The following TBC1D32 variants were observed in gnomAD, a reference collection of about 807,000 sequenced individuals.
The protein encoded by TBC1D32 is TBC1 domain family member 32.
In TBC1D32, 151 loss-of-function variants were observed where a neutral mutation model predicts 170.3. The observed-to-expected ratio is 0.89, with a 90% CI of 0.78 to 1.01. The LOEUF (loss-of-function observed/expected upper bound fraction) is 1.01. Among genes scored for constraint, TBC1D32 ranks in the 50% least tolerant of loss-of-function variants. TBC1D32 has a pLI of 0.00. For synonymous variants in TBC1D32, 498 were observed against 488.0 expected (o/e 1.02, Z -0.27); for missense variants, 1,464 against 1,457.1 (o/e 1.00, Z -0.08).
At chr6:121,181,624 G>T (rs569690472) in intron 22 of TBC1D32, among the ~76,000 whole-genome samples, 1 of 151,870 alleles carries the variant, frequency 6.6e-6, no homozygotes, top group African/African-American at 2.4e-5. Flanking sequence ...CCCACTGCTG[G>T]GTATATATGC....
At chr6:121,099,489 G>C (rs977714711) in intron 30 of TBC1D32, among the ~76,000 whole-genome samples, 12 of 151,730 alleles carry the variant, frequency 7.9e-5, no homozygotes, top group Admixed American at 6.6e-4. Context: ...TTAGAGATCT[G>C]TGTATTTCAT....
chr6:121,190,668 C>T (rs137911989), intron 22 of TBC1D32, among the ~76,000 whole-genome samples: 2 of 152,076 alleles, frequency 1.3e-5, no homozygotes, highest in Non-Finnish European at 2.9e-5. Flanking sequence ...TACTTAAAAC[C>T]CAAACCAAAT....
chr6:121,225,220 T>G (rs1425006520), intron 20 of TBC1D32, among the ~76,000 whole-genome samples: 1 of 152,056 alleles, frequency 6.6e-6, no homozygotes, highest in Non-Finnish European at 1.5e-5. Flanking sequence ...GAAAGATGAT[T>G]AATAGAACAG....
rs745475655 is a variant in TBC1D32, at chr6:121,161,059, GA to G, written c.2571-4del. On this transcript the variant is annotated splice_region_variant and splice_polypyrimidine_tract_variant and intron_variant, in intron 22 of 31. Transcript: ENST00000398212. ...ATAAGCCATCAATTATAAAGTCCCTGAAAAAATAAATATATCACCTTTGTCA... is the reference window on the plus strand; with the variant it reads ...ATAAGCCATCAATTATAAAGTCCCTGAAAAATAAATATATCACCTTTGTCA... 1.8e-5 allele frequency: 29 copies of G among 1,596,126 alleles called. No homozygotes were observed. The highest frequency in any genetic ancestry group is 2.5e-5 in the Non-Finnish European group (29 of 1,167,568).
chr6:121,258,211 A>C (rs923074415), intron 15 of TBC1D32, among the ~76,000 whole-genome samples: 4 of 152,196 alleles, frequency 2.6e-5, no homozygotes, highest in African/African-American at 9.6e-5. Context: ...ATTTCAAAAC[A>C]GCAACAGCAA....
chr6:121,156,986 T>C (rs1205588850), intron 24 of TBC1D32, among the ~76,000 whole-genome samples: 1 of 152,072 alleles, frequency 6.6e-6, no homozygotes, highest in Non-Finnish European at 1.5e-5. Context: ...TATTCTATCA[T>C]TGTTAGGTGG....
intron 29 of TBC1D32, among the ~76,000 whole-genome samples, chr6:121,107,907 T>G (rs548927132): frequency 6.6e-6 from 1 of 152,020 alleles, no homozygotes; most frequent in African/African-American, 2.4e-5. Context: ...AATAAGTTAT[T>G]GTTATGTAAT....
chr6:121,334,381 C>T lies in TBC1D32; in HGVS notation c.50G>A (p.Arg17Lys). 6.2e-7 allele frequency: 1 copy of T among 1,614,228 alleles called. No homozygotes were observed. The highest frequency in any genetic ancestry group is 8.5e-7 in the Non-Finnish European group (1 of 1,180,030). ...EDQAMLQAML[R>K]RLFQSVKEKI... ...CTCCTTCACGCTCTGGAACAACCGC[C>T]TCAGCATCGCCTGCAGCATCGCCTG... is the stretch of plus-strand genomic sequence containing the variant. The change falls in exon 1 of 32, where the codon AGG becomes AAG. Residue 17 changes from arginine (R) to lysine (K), a missense_variant. By Grantham distance (26) the Arg-to-Lys change is conservative (BLOSUM62 2). Transcript: ENST00000398212.
At chr6:121,265,129 T>A (rs1451589697) in intron 15 of TBC1D32, among the ~76,000 whole-genome samples, 1 of 152,202 alleles carries the variant, frequency 6.6e-6, no homozygotes, top group Non-Finnish European at 1.5e-5. Context: ...AAATTGTCTC[T>A]GTTTGCAGAT....
At chr6:121,091,182 G>T in intron 30 of TBC1D32, 141 bp from the exon 31 acceptor site, 2 of 706,930 alleles carry the variant, frequency 2.8e-6, no homozygotes, top group African/African-American at 1.8e-5. Context: ...CTTCATAGAT[G>T]CCTAAAAAGG....
chr6:121,150,386 T>A (rs1411468419), intron 24 of TBC1D32, among the ~76,000 whole-genome samples: 1 of 152,232 alleles, frequency 6.6e-6, no homozygotes, highest in Non-Finnish European at 1.5e-5. Context: ...GCTTTTAATA[T>A]GCTGCTGGGT....
intron 1 of TBC1D32, among the ~76,000 whole-genome samples, chr6:121,322,119 G>A (rs761809776): frequency 6.6e-6 from 1 of 152,116 alleles, no homozygotes; most frequent in African/African-American, 2.4e-5. Flanking sequence ...ATGAAAAGCA[G>A]TTGTTAAGGA....
intron 17 of TBC1D32, among the ~76,000 whole-genome samples, chr6:121,250,918 A>G (rs1465972400): frequency 6.6e-6 from 1 of 152,200 alleles, no homozygotes; most frequent in Non-Finnish European, 1.5e-5. Context: ...CAAAAATCAC[A>G]GGCATTCCTA....
intron 22 of TBC1D32, among the ~76,000 whole-genome samples, chr6:121,178,091 T>C (rs1583089693): frequency 6.6e-6 from 1 of 152,110 alleles, no homozygotes; most frequent in Admixed American, 6.5e-5. Context: ...GCAGGGGAAA[T>C]GCCAGACACT....
intron 1 of TBC1D32, among the ~76,000 whole-genome samples, chr6:121,330,127 G>C (rs895877582): frequency 5.3e-5 from 8 of 152,058 alleles, no homozygotes; most frequent in African/African-American, 1.9e-4. Flanking sequence ...TTGACATTCT[G>C]GGCACAAGAG....
chr6:121,270,558 C>T (rs1005384559), intron 15 of TBC1D32, among the ~76,000 whole-genome samples: 1 of 152,024 alleles, frequency 6.6e-6, no homozygotes, highest in Non-Finnish European at 1.5e-5. Context: ...AAGACTAAAC[C>T]AAGAAGAAGC....
chr6:121,284,697 C>T (rs941428117), intron 12 of TBC1D32, among the ~76,000 whole-genome samples: 2 of 152,036 alleles, frequency 1.3e-5, no homozygotes, highest in East Asian at 3.9e-4. Flanking sequence ...TAAACCACTA[C>T]AAACTCAATT....
intron 2 of TBC1D32, among the ~76,000 whole-genome samples, chr6:121,318,178 T>C (rs1240234544): frequency 6.6e-6 from 1 of 152,052 alleles, no homozygotes; most frequent in East Asian, 1.9e-4. Context: ...CCAAGACCTA[T>C]GTAAGAGTTA....
At chr6:121,237,628 T>A (rs1650859936) in intron 20 of TBC1D32, among the ~76,000 whole-genome samples, 1 of 152,040 alleles carries the variant, frequency 6.6e-6, no homozygotes, top group Non-Finnish European at 1.5e-5. Flanking sequence ...TCTATTATGT[T>A]TAAATCTGTG....
Sources: allele counts gnomAD v4.1 joint callset (sites outside exome capture counted in the v4.1 genomes callset), GRCh38; gene constraint gnomAD v4.1.1; transcripts MANE v1.5; gene names NCBI Gene and HGNC (gene_info 2026-07-23, HGNC 2026-07-21).